The following CPNE3 variants were observed in gnomAD, a reference collection of about 807,000 sequenced individuals.
CPNE3 encodes copine-3.
Under a neutral mutation model 63.9 loss-of-function variants are expected in CPNE3, and 68 were observed. The ratio of observed to expected loss-of-function variants is 1.06; its 90% CI spans 0.87 to 1.30. The LOEUF is 1.30. Among genes scored for constraint, CPNE3 ranks in the 50% most tolerant of loss-of-function variants. The pLI, the probability that CPNE3 is intolerant of heterozygous loss-of-function variation, is 0.00. For missense variants in CPNE3, 665 were observed against 578.1 expected, an observed-to-expected ratio of 1.15 and a Z score of -1.54; for synonymous variants, 219 against 197.5, an observed-to-expected ratio of 1.11 and a Z score of -0.91.
chr8:86,516,251 G>A (rs1299778674), intron 2 of CPNE3, among the ~76,000 whole-genome samples: 1 of 152,134 alleles, frequency 6.6e-6, no homozygotes, highest in Non-Finnish European at 1.5e-5. Context: ...TTCAGGTCTA[G>A]TCCCTGAAGA....
At chr8:86,530,499 C>T (rs982356323) in intron 4 of CPNE3, among the ~76,000 whole-genome samples, 5 of 151,580 alleles carry the variant, frequency 3.3e-5, no homozygotes, top group African/African-American at 1.2e-4. Context: ...TGTTCTGAAG[C>T]CCATCTTTTA....
rs748198037 is a variant in CPNE3 at position 86,529,056 on chromosome 8, A to G, written c.244A>G (p.Ile82Val). ...GAAATTGAAATTTGGGGTTTATGACATCGACAACAAAACTATTGAGCTGAG... is the reference window on the plus strand; with the variant it reads ...GAAATTGAAATTTGGGGTTTATGACGTCGACAACAAAACTATTGAGCTGAG... ...VQKLKFGVYDIDNKTIELSDD... is the reference protein window; with the variant it reads ...VQKLKFGVYDVDNKTIELSDD... Residue 82 changes from isoleucine to valine, a missense_variant, in exon 4 of 17, where the codon ATC becomes GTC. Transcript: ENST00000517490. The G allele has an allele frequency of 4.3e-6, 7 of 1,614,066 alleles. No homozygotes were observed. Among genetic ancestry groups the G allele is most frequent in the East Asian group, 4.5e-5 (2 of 44,846 alleles).
intron 7 of CPNE3, among the ~76,000 whole-genome samples, chr8:86,539,101 T>G (rs1011452870): frequency 2.0e-5 from 3 of 152,212 alleles, no homozygotes; most frequent in Non-Finnish European, 4.4e-5. Context: ...TGCTTTTATT[T>G]TTAGTATCAT....
chr8:86,555,659 A>G (rs1228685503), intron 15 of CPNE3, among the ~76,000 whole-genome samples: 5 of 152,266 alleles, frequency 3.3e-5, no homozygotes, highest in Admixed American at 1.3e-4. Flanking sequence ...CACTTAAACC[A>G]TATCTATTTT....
At chr8:86,542,798 G>A (rs962891576) in intron 8 of CPNE3, among the ~76,000 whole-genome samples, 1 of 151,860 alleles carries the variant, frequency 6.6e-6, no homozygotes, top group South Asian at 2.1e-4. Context: ...GGGGACAAGA[G>A]GGAGCTTTTT....
At chr8:86,544,021 C>A (rs776418045) in intron 8 of CPNE3, among the ~76,000 whole-genome samples, 1 of 152,094 alleles carries the variant, frequency 6.6e-6, no homozygotes, top group Non-Finnish European at 1.5e-5. Flanking sequence ...CACCTCTCTT[C>A]TCTCTCCTTT....
intron 2 of CPNE3, among the ~76,000 whole-genome samples, chr8:86,523,897 T>C (rs1032238935): frequency 3.3e-5 from 5 of 152,138 alleles, no homozygotes; most frequent in East Asian, 3.9e-4. Context: ...CTGAAGTGGA[T>C]CTTGAAGAAC....
chr8:86,542,468 A>G (rs1820962086), intron 8 of CPNE3, among the ~76,000 whole-genome samples: 1 of 152,192 alleles, frequency 6.6e-6, no homozygotes, highest in African/African-American at 2.4e-5. Flanking sequence ...ATTCTCTTTC[A>G]TATATACATA....
At chr8:86,550,333 C>G (rs995784854) in intron 12 of CPNE3, among the ~76,000 whole-genome samples, 1 of 152,152 alleles carries the variant, frequency 6.6e-6, no homozygotes, top group Non-Finnish European at 1.5e-5. Context: ...ACTGCAGCCT[C>G]CACTTCCTGG....
At chr8:86,547,202 C>G (rs1212760119) in intron 10 of CPNE3, 1 of 153,416 alleles carries the variant, frequency 6.5e-6, no homozygotes, top group Non-Finnish European at 1.4e-5. Flanking sequence ...AACTTATTTG[C>G]AAAGGACAAG....
At chr8:86,530,170 CTTTT>C (rs71275863) in intron 4 of CPNE3, among the ~76,000 whole-genome samples, 21 of 122,600 alleles carry the variant, frequency 1.7e-4, no homozygotes, top group Non-Finnish European at 2.3e-4. Context: ...AAATTGAATC[CTTTT>C]TTTTTTTTTT....
At position 86,539,082 on chromosome 8, in the gene CPNE3, CTCTT is replaced by C. The variant is rs543137693; in HGVS notation, c.544-1159_544-1156del. Among the ~76,000 whole-genome samples, 176 of 152,296 alleles carry C rather than the reference CTCTT, an allele frequency of 1.2e-3. 1 individual carries two copies. The highest frequency in any genetic ancestry group is 3.4e-3 in the Middle Eastern group (1 of 294). On this transcript the variant is annotated intron_variant, in intron 7 of 16. Transcript: ENST00000517490. Reference sequence around the variant, plus strand: ...TAGCAGGCATTCCTCTTTCATCTCTCTCTTTCTCTGCTTTTATTTTTAGTATCAT... The same window carrying C: ...TAGCAGGCATTCCTCTTTCATCTCTCTCTCTGCTTTTATTTTTAGTATCAT...
At chr8:86,556,571 A>G (rs1277284756) in intron 16 of CPNE3, among the ~76,000 whole-genome samples, 2 of 152,230 alleles carry the variant, frequency 1.3e-5, no homozygotes, top group Admixed American at 6.5e-5. Flanking sequence ...TCTCTCAAGT[A>G]TTTTATCTTT....
chr8:86,547,450 T>C (rs1030281137), intron 10 of CPNE3: 3 of 346,668 alleles, frequency 8.7e-6, no homozygotes, highest in African/African-American at 4.3e-5. Context: ...ATTACTAATA[T>C]CTTAAAACTT....
At chr8:86,556,614 A>T (rs1821332157) in intron 16 of CPNE3, among the ~76,000 whole-genome samples, 1 of 152,204 alleles carries the variant, frequency 6.6e-6, no homozygotes, top group South Asian at 2.1e-4. Context: ...ACTCTTATGT[A>T]ACTGTATGCC....
At chr8:86,518,276 G>T (rs1820357992) in intron 2 of CPNE3, among the ~76,000 whole-genome samples, 1 of 152,158 alleles carries the variant, frequency 6.6e-6, no homozygotes, top group Non-Finnish European at 1.5e-5. Flanking sequence ...GAGAGGTTCT[G>T]GTGGCTGGTT....
chr8:86,541,241 C>T (rs1427268258), intron 8 of CPNE3, among the ~76,000 whole-genome samples: 1 of 152,192 alleles, frequency 6.6e-6, no homozygotes, highest in Non-Finnish European at 1.5e-5. Context: ...AACCACACTT[C>T]TTCACATTTA....
chr8:86,551,323 T>A (rs745897869), intron 14 of CPNE3, 89 bp downstream of exon 14: 9 of 899,708 alleles, frequency 1.0e-5, no homozygotes, highest in Non-Finnish European at 1.6e-5. Context: ...TTTTTTCTTG[T>A]GATTAAAACT....
rs752499942 is a variant in CPNE3 at position 86,540,253 on chromosome 8, A to G, written c.552A>G (p.Lys184=). 5.6e-6 allele frequency: 9 copies of G among 1,607,822 alleles called. No individual in the cohort carries two copies. Among genetic ancestry groups the G allele is most frequent in the Non-Finnish European group, 7.7e-6 (9 of 1,175,322 alleles). Reference sequence around the variant, plus strand: ...AAACCACATTTTTATAGGTTGTTAAAAACAACTTGAATCCTGTTTGGAGGC... The same window carrying G: ...AAACCACATTTTTATAGGTTGTTAAGAACAACTTGAATCCTGTTTGGAGGC... ...WLMVHRTEVV[K]NNLNPVWRPF... is the part of the protein sequence containing the mutation. Residue 184 remains lysine, a synonymous_variant, in exon 8 of 17, where the codon AAA becomes AAG. Coordinates refer to ENST00000517490, the MANE Select transcript of CPNE3 (RefSeq NM_003909.5).
Sources: allele counts gnomAD v4.1 joint callset (sites outside exome capture counted in the v4.1 genomes callset), GRCh38; gene constraint gnomAD v4.1.1; transcripts MANE v1.5; gene names NCBI Gene and HGNC (gene_info 2026-07-23, HGNC 2026-07-21).